SUZ12: variants seen among roughly 807,000 people sequenced by gnomAD.
The protein encoded by SUZ12 is SUZ12 polycomb repressive complex 2 subunit.
SUZ12 carries 17 observed loss-of-function variants against 87.3 expected under a neutral mutation model. The observed-to-expected ratio is 0.19, with a 90% CI of 0.13 to 0.29. The LOEUF is 0.29. Ranked by LOEUF, SUZ12 falls within the 10% of genes least tolerant of loss-of-function variation. SUZ12 has a pLI of 1.00. For synonymous variants in SUZ12, 253 were observed against 312.4 expected (o/e 0.81, Z 2.01); for missense variants, 526 against 912.2 (o/e 0.58, Z 5.45).
chr17:31,993,779 T>A (rs1224848361), intron 11 of SUZ12, 86 bp from the exon 12 acceptor site: 9 of 1,351,568 alleles, frequency 6.7e-6, no homozygotes, highest in African/African-American at 4.5e-5. Context: ...TTAAATTTTT[T>A]AAACTATTTT....
At position 32,001,026 on chromosome 17, in the gene SUZ12, A is replaced by G. The variant is rs1038967830; in HGVS notation, c.*2023A>G. 2 of 201,054 alleles carry G rather than the reference A, an allele frequency of 9.9e-6. No individual in the cohort carries two copies. The highest frequency in any genetic ancestry group is 4.6e-5 in the African/African-American group (2 of 43,672). 12.5% of individuals were successfully genotyped at this position (201,054 alleles called of 1,614,324 possible). A position where few individuals can be genotyped will look rare whatever the true frequency, so the allele number is the denominator to read the frequency against. ...AATGATTTTGTACATAAAGTTCAAT[A>G]ATATAAAAGCTGTATTCTGTTTTGG... On this transcript the variant is annotated 3_prime_UTR_variant, in exon 16 of 16. Coordinates refer to ENST00000322652, the MANE Select transcript of SUZ12 (RefSeq NM_015355.4).
chr17:31,972,278 C>G (rs944741975), intron 5 of SUZ12, among the ~76,000 whole-genome samples: 1 of 151,484 alleles, frequency 6.6e-6, no homozygotes, highest in African/African-American at 2.4e-5. Context: ...GAACGAGTCT[C>G]TGTCTCGAAA....
At chr17:31,970,283 T>A (rs1908344533) in intron 5 of SUZ12, among the ~76,000 whole-genome samples, 1 of 152,188 alleles carries the variant, frequency 6.6e-6, no homozygotes, top group Non-Finnish European at 1.5e-5. Context: ...AAGAAACTGA[T>A]CAAATGTGTT....
chr17:31,959,118 A>G (rs1167748048), intron 4 of SUZ12, among the ~76,000 whole-genome samples: 2 of 152,104 alleles, frequency 1.3e-5, no homozygotes, highest in Non-Finnish European at 2.9e-5. Flanking sequence ...CTTTTTTTTA[A>G]TACACTTTGC....
intron 10 of SUZ12, among the ~76,000 whole-genome samples, chr17:31,991,590 A>G (rs542104939): frequency 3.9e-5 from 6 of 151,916 alleles, no homozygotes; most frequent in Non-Finnish European, 5.9e-5. Flanking sequence ...ATTTGTCACT[A>G]TCTTTTTAGA....
intron 3 of SUZ12, among the ~76,000 whole-genome samples, chr17:31,941,168 C>T (rs1906254815): frequency 6.6e-6 from 1 of 150,954 alleles, no homozygotes; most frequent in African/African-American, 2.4e-5. Context: ...GTGGCGTGAT[C>T]TCAGCTCACT....
At chr17:31,974,521 C>T (rs1207178006) in intron 6 of SUZ12, among the ~76,000 whole-genome samples, 1 of 152,158 alleles carries the variant, frequency 6.6e-6, no homozygotes, top group East Asian at 1.9e-4. Flanking sequence ...CTTACTCCTA[C>T]CTAACCTCCA....
Position 31,994,548 on chromosome 17 carries a change from TAC to T in SUZ12, c.1438-14_1438-13del. On this transcript the variant is annotated splice_polypyrimidine_tract_variant and intron_variant, in intron 12 of 15. Coordinates refer to ENST00000322652, the MANE Select transcript of SUZ12 (RefSeq NM_015355.4). ...AGGATACTTAATATATTTTTTTTTT[TAC>T]ATTTTTGTTGCAGTATCATCCAAAA... 2 of 1,563,280 alleles carry T rather than the reference TAC, an allele frequency of 1.3e-6. No homozygotes were observed. The highest frequency in any genetic ancestry group is 3.9e-5 in the Admixed American group (2 of 51,680).
At chr17:31,956,762 ATATATATG>A (rs901153029) in intron 4 of SUZ12, among the ~76,000 whole-genome samples, 17 of 151,666 alleles carry the variant, frequency 1.1e-4, no homozygotes, top group South Asian at 2.1e-4. Flanking sequence ...GTGTGTGTGT[ATATATATG>A]TATATATGTA....
At chr17:31,988,262 C>A in intron 9 of SUZ12, 58 bp from the exon 10 acceptor site, 1 of 1,439,918 alleles carries the variant, frequency 6.9e-7, no homozygotes, top group Non-Finnish European at 9.3e-7. Context: ...TTAATTTCTA[C>A]AATTTATTTG....
chr17:31,994,286 C>G (rs1909861661), intron 12 of SUZ12: 1 of 433,800 alleles, frequency 2.3e-6, no homozygotes, highest in Non-Finnish European at 4.0e-6. Context: ...AATTGACTCA[C>G]AAAATCCTCA....
At chr17:31,996,376 A>G (rs1909979819) in intron 14 of SUZ12, among the ~76,000 whole-genome samples, 1 of 152,200 alleles carries the variant, frequency 6.6e-6, no homozygotes, top group African/African-American at 2.4e-5. Context: ...ACACTTTGGT[A>G]GGGCGAGTTG....
intron 3 of SUZ12, 81 bp downstream of exon 3, chr17:31,940,567 A>G: frequency 1.3e-6 from 2 of 1,515,290 alleles, no homozygotes; most frequent in South Asian, 1.3e-5. Flanking sequence ...AATTAAAAAA[A>G]AAAACGAACA....
intron 13 of SUZ12, among the ~76,000 whole-genome samples, chr17:31,995,201 A>G (rs1909909982): frequency 8.2e-6 from 1 of 121,764 alleles, no homozygotes; most frequent in Admixed American, 7.7e-5. Flanking sequence ...ACCAGTGTTA[A>G]CGGCTTTTCT....
At chr17:31,976,067 A>G (rs1908732063) in intron 7 of SUZ12, among the ~76,000 whole-genome samples, 1 of 152,240 alleles carries the variant, frequency 6.6e-6, no homozygotes, top group South Asian at 2.1e-4. Context: ...TTAATCGAAG[A>G]TGATTAAAAC....
chr17:31,941,535 G>A (rs930924260), intron 3 of SUZ12, among the ~76,000 whole-genome samples: 3 of 142,078 alleles, frequency 2.1e-5, no homozygotes, highest in Admixed American at 7.6e-5. Flanking sequence ...AGGATTACAG[G>A]CATGAGCCAC....
At position 31,998,638 on chromosome 17, in the gene SUZ12, A is replaced by G; in HGVS notation, c.1875-20A>G. ...AAAAATGCTTTGTATTGCTATTCAT[A>G]TTCTGTTTTTATTAAATAGGTTTAT... is the stretch of plus-strand genomic sequence containing the variant. On this transcript the variant is annotated intron_variant, in intron 15 of 15. Transcript: ENST00000322652. The G allele has an allele frequency of 6.6e-7, 1 of 1,507,072 alleles. No individual in the cohort carries two copies. Among genetic ancestry groups the G allele is most frequent in the Non-Finnish European group, 8.9e-7 (1 of 1,128,562 alleles). 93.4% of individuals were successfully genotyped at this position (1,507,072 alleles called of 1,614,324 possible).
intron 3 of SUZ12, 107 bp from the exon 4 acceptor site, chr17:31,947,510 A>T: frequency 7.3e-7 from 1 of 1,372,752 alleles, no homozygotes; most frequent in Non-Finnish European, 9.9e-7. Flanking sequence ...CTTACTAAAA[A>T]TAATCAAAAT....
rs559745168 is a variant in SUZ12 at position 31,942,397 on chromosome 17, G to A, written c.386+1911G>A. 4.0e-5 allele frequency among the ~76,000 whole-genome samples: 6 copies of A among 151,486 alleles called. No individual in the cohort carries two copies. In the South Asian group the frequency reaches 6.2e-4, roughly 16 times the overall value. On this transcript the variant is annotated intron_variant, in intron 3 of 15. Coordinates refer to ENST00000322652, the MANE Select transcript of SUZ12 (RefSeq NM_015355.4). Reference sequence around the variant, plus strand: ...GTTGCCCAGGCTGGAGTGCAATGGCGCAATCTTGGCTCACTGCAACCTCCA... The same window carrying A: ...GTTGCCCAGGCTGGAGTGCAATGGCACAATCTTGGCTCACTGCAACCTCCA...
Sources: gnomAD v4.1 joint callset for allele counts (sites outside exome capture counted in the v4.1 genomes callset) on GRCh38, gnomAD v4.1.1 for gene constraint, MANE v1.5 for transcripts, NCBI Gene and HGNC (gene_info 2026-07-23, HGNC 2026-07-21) for gene names.